The following SLC35D4 variants were observed in gnomAD, a reference collection of about 807,000 sequenced individuals.
The protein encoded by SLC35D4 is solute carrier family 35 member D4, also known as UDP-N-acetylglucosamine transporter SLC35D4.
At chr18:23,411,534 AAAG>A in the SLC35D4 span, among the ~76,000 whole-genome samples, 2 of 150,856 alleles carry the variant, frequency 1.3e-5, no homozygotes, top group South Asian at 4.2e-4. Context: ...AGAAAGAAAG[AAAG>A]AAAGAAAGAA....
At chr18:23,363,805 G>A in the SLC35D4 span, among the ~76,000 whole-genome samples, 1 of 152,168 alleles carries the variant, frequency 6.6e-6, no homozygotes, top group African/African-American at 2.4e-5. Flanking sequence ...GTATGGGTAA[G>A]CAGAAGCCAT....
At chr18:23,297,974 G>A in the SLC35D4 span, 3 of 1,610,308 alleles carry the variant, frequency 1.9e-6, no homozygotes, top group Non-Finnish European at 2.5e-6. Flanking sequence ...TTCTCCCGCA[G>A]CAGCCTGTGA....
the SLC35D4 span, among the ~76,000 whole-genome samples, chr18:23,353,076 A>AGTGTGTGTGTGTGTGTGTGTGTGTGT: frequency 2.0e-3 from 248 of 126,576 alleles, 7 homozygotes; most frequent in East Asian, 7.3e-3. Flanking sequence ...TGAGACAGAC[A>AGTGTGTGTGTGTGTGTGTGTGTGTGT]GTGTGTGTGT....
the SLC35D4 span, among the ~76,000 whole-genome samples, chr18:23,273,314 A>G: frequency 6.6e-6 from 1 of 152,294 alleles, no homozygotes; most frequent in East Asian, 1.9e-4. Context: ...CTGCAAAAAG[A>G]AGGAAGGAGA....
the SLC35D4 span, among the ~76,000 whole-genome samples, chr18:23,268,438 C>T: frequency 4.6e-5 from 7 of 152,084 alleles, no homozygotes; most frequent in Admixed American, 6.6e-5. Context: ...ACCTGGGGTG[C>T]CCTTTGGAAA....
At chr18:23,287,740 C>T in the SLC35D4 span, among the ~76,000 whole-genome samples, 2 of 152,088 alleles carry the variant, frequency 1.3e-5, no homozygotes, top group Non-Finnish European at 2.9e-5. Context: ...TAGAGACTGC[C>T]CCCACCCTAG....
chr18:23,405,130 G>A, the SLC35D4 span, among the ~76,000 whole-genome samples: 3 of 151,680 alleles, frequency 2.0e-5, no homozygotes, highest in Admixed American at 6.6e-5. Context: ...AAATCTGCCA[G>A]TGCCCTCATC....
chr18:23,343,661 C>G, the SLC35D4 span, among the ~76,000 whole-genome samples: 136 of 152,100 alleles, frequency 8.9e-4, no homozygotes, highest in African/African-American at 3.2e-3. Flanking sequence ...ATTTCATTAC[C>G]CAGGTAATAA....
chr18:23,265,857 C>A, the SLC35D4 span, among the ~76,000 whole-genome samples: 1 of 152,194 alleles, frequency 6.6e-6, no homozygotes, highest in South Asian at 2.1e-4. Flanking sequence ...GGAAGCAGAT[C>A]GCCTCTGAGG....
the SLC35D4 span, among the ~76,000 whole-genome samples, chr18:23,271,368 T>C: frequency 6.6e-6 from 1 of 152,204 alleles, no homozygotes; most frequent in Non-Finnish European, 1.5e-5. Context: ...CTAATACAGA[T>C]GGTAAATGCA....
At chr18:23,412,080 G>A in the SLC35D4 span, among the ~76,000 whole-genome samples, 2 of 152,196 alleles carry the variant, frequency 1.3e-5, no homozygotes, top group Admixed American at 1.3e-4. Context: ...AACATTTTGG[G>A]AGGCCGAGGC....
the SLC35D4 span, chr18:23,430,535 CA>C: frequency 7.2e-5 from 76 of 1,053,992 alleles, no homozygotes; most frequent in South Asian, 1.2e-4. Context: ...GTCTATTTGA[CA>C]AAAAAAATCT....
chr18:23,286,559 A>G, the SLC35D4 span, among the ~76,000 whole-genome samples: 1 of 152,008 alleles, frequency 6.6e-6, no homozygotes, highest in African/African-American at 2.4e-5. Context: ...GAAGCCCCGT[A>G]GACCATCACG....
At chr18:23,259,224 G>A in the SLC35D4 span, 1 of 152,174 alleles carries the variant, frequency 6.6e-6, no homozygotes, top group East Asian at 1.9e-4. Flanking sequence ...TGCCTACAGG[G>A]GGAGAGCCTT....
chr18:23,286,927 T>C, the SLC35D4 span, among the ~76,000 whole-genome samples: 2 of 151,196 alleles, frequency 1.3e-5, no homozygotes, highest in Admixed American at 6.6e-5. Flanking sequence ...CCTCCTCTTG[T>C]ATCCCCCCAC....
chr18:23,358,701 A>T, the SLC35D4 span, among the ~76,000 whole-genome samples: 1 of 152,146 alleles, frequency 6.6e-6, no homozygotes, highest in Non-Finnish European at 1.5e-5. Flanking sequence ...TGTCAGCACC[A>T]TAACCAATAT....
chr18:23,396,980 C>T, the SLC35D4 span, among the ~76,000 whole-genome samples: 1 of 152,128 alleles, frequency 6.6e-6, no homozygotes, highest in Non-Finnish European at 1.5e-5. Flanking sequence ...GCTCAAGAAG[C>T]GTTGTTGAAG....
the SLC35D4 span, among the ~76,000 whole-genome samples, chr18:23,366,320 G>C: frequency 6.6e-6 from 1 of 152,154 alleles, no homozygotes; most frequent in Non-Finnish European, 1.5e-5. Flanking sequence ...GTGCCTTCAT[G>C]CTGCCAAACC....
the SLC35D4 span, among the ~76,000 whole-genome samples, chr18:23,428,283 A>C: frequency 1.3e-5 from 2 of 152,218 alleles, no homozygotes; most frequent in African/African-American, 2.4e-5. Flanking sequence ...ATACAAGTGG[A>C]TCATATGCAT....
Sources: allele counts gnomAD v4.1 joint callset (sites outside exome capture counted in the v4.1 genomes callset), GRCh38; gene constraint gnomAD v4.1.1; transcripts MANE v1.5; gene names NCBI Gene and HGNC (gene_info 2026-07-23, HGNC 2026-07-21).